Variants in IMMP2L observed in about 807,000 individuals in gnomAD.
IMMP2L encodes the protein mitochondrial inner membrane protease subunit 2.
IMMP2L carries 18 observed loss-of-function variants against 19.3 expected under a neutral mutation model. The observed-to-expected ratio is 0.93, with a 90% CI of 0.64 to 1.38. IMMP2L has a LOEUF of 1.38. IMMP2L is among the 40% of genes most tolerant of loss of function. The probability of loss-of-function intolerance (pLI) is 0.00; values close to 1 mark genes in which losing one functional copy is unlikely to be tolerated. For synonymous variants in IMMP2L, 76 were observed against 73.0 expected (o/e 1.04, Z -0.21); for missense variants, 233 against 218.2 (o/e 1.07, Z -0.43).
intron 3 of IMMP2L, among the ~76,000 whole-genome samples, chr7:111,046,513 T>C (rs1427288076): frequency 6.6e-6 from 1 of 151,712 alleles, no homozygotes; most frequent in Non-Finnish European, 1.5e-5. Flanking sequence ...AAAAAATAAA[T>C]CCACCTGTAG....
At chr7:111,066,132 C>T (rs1794476805) in intron 3 of IMMP2L, among the ~76,000 whole-genome samples, 1 of 151,990 alleles carries the variant, frequency 6.6e-6, no homozygotes, top group South Asian at 2.1e-4. Flanking sequence ...GTGCACGTCA[C>T]CACGCCTGGC....
intron 2 of IMMP2L, among the ~76,000 whole-genome samples, chr7:111,493,578 G>A (rs1415796607): frequency 2.0e-5 from 3 of 151,634 alleles, no homozygotes; most frequent in Admixed American, 6.6e-5. Flanking sequence ...GGGGGCGGGC[G>A]CCTGTAGTCC....
rs779501366 is a variant in IMMP2L at position 111,123,510 on chromosome 7, C to T, written c.240-159945G>A. 6.2e-6 allele frequency: 10 copies of T among 1,613,732 alleles called. No homozygotes were observed. The highest frequency in any genetic ancestry group is 1.3e-5 in the African/African-American group (1 of 74,902). On this transcript the variant is annotated intron_variant, in intron 3 of 5. Transcript: ENST00000405709. The surrounding 1 kb of genome is among the most constrained non-coding windows in gnomAD (Gnocchi z 6.4). ...TAGAAAGCATCTCTTTTTACGATAACAGGCTTATTAAAGTACCCCATGTTG... is the reference window on the plus strand; with the variant it reads ...TAGAAAGCATCTCTTTTTACGATAATAGGCTTATTAAAGTACCCCATGTTG...
At chr7:111,507,187 C>T (rs112651077) in intron 2 of IMMP2L, among the ~76,000 whole-genome samples, 3,047 of 152,170 alleles carry the variant, frequency 0.02, 104 homozygotes, top group African/African-American at 0.07. Context: ...GATCTCTACC[C>T]GAGGCTATTT....
At chr7:110,706,776 T>A (rs1176091749) in intron 5 of IMMP2L, among the ~76,000 whole-genome samples, 1 of 152,128 alleles carries the variant, frequency 6.6e-6, no homozygotes, top group African/African-American at 2.4e-5. Flanking sequence ...TTGTGAATAT[T>A]TTCTCTTATT....
intron 4 of IMMP2L, among the ~76,000 whole-genome samples, chr7:110,918,876 AG>A (rs1813937960): frequency 6.6e-6 from 1 of 152,214 alleles, no homozygotes; most frequent in South Asian, 2.1e-4. Context: ...ATAGTGACTC[AG>A]TTTTTCATTT....
rs1819086518 is a variant in IMMP2L at position 110,962,687 on chromosome 7, C to A, written c.305+813G>T. 4.0e-6 allele frequency: 4 copies of A among 992,982 alleles called. No individual in the cohort carries two copies. In the African/African-American group the frequency reaches 5.2e-5, roughly 13 times the overall value. The allele number at this position is 992,982 out of a possible 1,614,324, so 61.5% of individuals were successfully genotyped here. A position where few individuals can be genotyped will look rare whatever the true frequency, so the allele number is the denominator to read the frequency against. On this transcript the variant is annotated intron_variant, in intron 4 of 5. Transcript: ENST00000405709. ...GGATCCTCTGGCCATGCTGTGAGAA[C>A]TGCTAGCCTAGAATCTGCTCTAAAA...
chr7:111,283,840 G>A (rs1003226182), intron 3 of IMMP2L, among the ~76,000 whole-genome samples: 15 of 149,940 alleles, frequency 1.0e-4, no homozygotes, highest in Non-Finnish European at 2.1e-4. Flanking sequence ...GCGTAGTGGC[G>A]GGCGCCTGTA....
At chr7:110,809,744 A>T (rs762871453) in intron 5 of IMMP2L, among the ~76,000 whole-genome samples, 4 of 152,098 alleles carry the variant, frequency 2.6e-5, no homozygotes, top group Non-Finnish European at 5.9e-5. Context: ...TAACAGGGCA[A>T]CTATCTGTTT....
At chr7:111,426,437 G>A (rs772326294) in intron 3 of IMMP2L, among the ~76,000 whole-genome samples, 1 of 150,706 alleles carries the variant, frequency 6.6e-6, no homozygotes, top group Non-Finnish European at 1.5e-5. Context: ...TGTTTTCCCT[G>A]GAACTCACTT....
At chr7:111,396,131 G>A (rs952970649) in intron 3 of IMMP2L, among the ~76,000 whole-genome samples, 4 of 151,786 alleles carry the variant, frequency 2.6e-5, no homozygotes, top group Non-Finnish European at 4.4e-5. Flanking sequence ...CCCATTACTG[G>A]GTATATACCC....
chr7:111,481,542 C>A (rs536042770), intron 3 of IMMP2L, among the ~76,000 whole-genome samples: 1 of 152,056 alleles, frequency 6.6e-6, no homozygotes, highest in Non-Finnish European at 1.5e-5. Flanking sequence ...GTTAGAACTC[C>A]TAACCCAGTG....
intron 5 of IMMP2L, among the ~76,000 whole-genome samples, chr7:110,842,462 G>C (rs1805187390): frequency 6.6e-6 from 1 of 152,184 alleles, no homozygotes; most frequent in African/African-American, 2.4e-5. Context: ...CAACTCGGAA[G>C]GCCTGGGGCT....
At chr7:111,320,834 AT>A (rs771854381) in intron 3 of IMMP2L, among the ~76,000 whole-genome samples, 43 of 151,982 alleles carry the variant, frequency 2.8e-4, no homozygotes, top group Admixed American at 7.2e-4. Flanking sequence ...TTATCATACC[AT>A]ACAGTACTGT....
chr7:110,987,330 A>G (rs920913317), intron 3 of IMMP2L, among the ~76,000 whole-genome samples: 1 of 152,210 alleles, frequency 6.6e-6, no homozygotes, highest in Non-Finnish European at 1.5e-5. Context: ...TTGGCAAGGC[A>G]CTGCATTCCA....
At chr7:111,135,578 A>C (rs1045164009) in intron 3 of IMMP2L, among the ~76,000 whole-genome samples, 1 of 152,198 alleles carries the variant, frequency 6.6e-6, no homozygotes, top group Non-Finnish European at 1.5e-5. Context: ...CCTCTTCCAA[A>C]GTTCTTGACT....
At chr7:111,118,210 C>T (rs1159439969) in intron 3 of IMMP2L, among the ~76,000 whole-genome samples, 1 of 152,014 alleles carries the variant, frequency 6.6e-6, no homozygotes, top group African/African-American at 2.4e-5. Flanking sequence ...GATATTTTAT[C>T]TTATTTATTG....
chr7:111,260,906 T>C (rs1313155060), intron 3 of IMMP2L, among the ~76,000 whole-genome samples: 2 of 152,080 alleles, frequency 1.3e-5, no homozygotes, highest in Admixed American at 1.3e-4. Flanking sequence ...AATTTTAAAA[T>C]GGCAATTCTT....
chr7:110,969,381 A>T (rs1396053529), intron 3 of IMMP2L, among the ~76,000 whole-genome samples: 1 of 152,080 alleles, frequency 6.6e-6, no homozygotes, highest in Middle Eastern at 3.2e-3. Context: ...AATAAACTAT[A>T]GACTTTAGTT....
Sources: gnomAD v4.1 joint callset for allele counts (sites outside exome capture counted in the v4.1 genomes callset) on GRCh38, gnomAD v4.1.1 for gene constraint, Gnocchi (gnomAD v3.1) non-coding constraint, MANE v1.5 for transcripts, NCBI Gene and HGNC (gene_info 2026-07-23, HGNC 2026-07-21) for gene names.